The following SAMD12 variants were observed in gnomAD, a reference collection of about 807,000 sequenced individuals.
SAMD12 encodes the protein sterile alpha motif domain containing 12, also known as sterile alpha motif domain-containing protein 12.
Under a neutral mutation model 15.0 loss-of-function variants are expected in SAMD12, and 9 were observed. That is an observed-to-expected ratio of 0.60 (90% CI 0.36 to 1.05). The LOEUF is 1.05. Ranked by LOEUF, SAMD12 falls within the 50% of genes least tolerant of loss-of-function variation. The pLI is 0.01. For missense variants in SAMD12, 230 were observed against 234.2 expected (o/e 0.98, Z 0.12); for synonymous variants, 86 against 90.1 (o/e 0.96, Z 0.25).
intron 4 of SAMD12, among the ~76,000 whole-genome samples, chr8:118,358,015 C>T (rs1194174618): frequency 6.6e-6 from 1 of 152,122 alleles, no homozygotes; most frequent in Non-Finnish European, 1.5e-5. Context: ...TGTGGTGGTG[C>T]ACACCTCTAG....
intron 3 of SAMD12, among the ~76,000 whole-genome samples, chr8:118,386,357 T>C (rs1336048779): frequency 1.3e-5 from 2 of 152,164 alleles, no homozygotes; most frequent in Non-Finnish European, 2.9e-5. Flanking sequence ...CCTTCTCCTC[T>C]TGCGCGTGTA....
the SAMD12 span, among the ~76,000 whole-genome samples, chr8:118,171,424 A>C: frequency 1.6e-4 from 25 of 152,344 alleles, no homozygotes; most frequent in African/African-American, 5.3e-4. Context: ...ATAGAAGTAG[A>C]AACAACCCAA....
At chr8:118,352,969 C>T (rs1049533146) in intron 4 of SAMD12, among the ~76,000 whole-genome samples, 11 of 151,940 alleles carry the variant, frequency 7.2e-5, no homozygotes, top group Non-Finnish European at 1.5e-4. Flanking sequence ...AATTATGTTG[C>T]TTTAGAAAAT....
chr8:118,569,537 C>T (rs1826947540), intron 2 of SAMD12, among the ~76,000 whole-genome samples: 1 of 152,138 alleles, frequency 6.6e-6, no homozygotes, highest in Non-Finnish European at 1.5e-5. Flanking sequence ...TAGGTTGAAG[C>T]CCTAACCCCC....
chr8:118,205,093 G>A (rs1430943789), intron 4 of SAMD12, among the ~76,000 whole-genome samples: 2 of 152,146 alleles, frequency 1.3e-5, no homozygotes, highest in Non-Finnish European at 2.9e-5. Context: ...TCCATCGAAG[G>A]CCTAAAGAGA....
chr8:118,239,526 C>T (rs1367495958), intron 4 of SAMD12, among the ~76,000 whole-genome samples: 1 of 152,236 alleles, frequency 6.6e-6, no homozygotes, highest in East Asian at 1.9e-4. Context: ...GTTACACAAC[C>T]TTAATGGGCA....
At chr8:118,352,141 C>A (rs535794991) in intron 4 of SAMD12, among the ~76,000 whole-genome samples, 7 of 152,294 alleles carry the variant, frequency 4.6e-5, no homozygotes, top group African/African-American at 1.7e-4. Context: ...TTATTAATGT[C>A]TGCTACAAGC....
intron 3 of SAMD12, among the ~76,000 whole-genome samples, chr8:118,435,741 G>T (rs913251395): frequency 2.0e-5 from 3 of 152,234 alleles, no homozygotes; most frequent in Non-Finnish European, 4.4e-5. Context: ...ACACTACTGA[G>T]GTTAAAGCGT....
chr8:118,334,451 TCTTCCC>T (rs1023934468), intron 4 of SAMD12, among the ~76,000 whole-genome samples: 7 of 152,136 alleles, frequency 4.6e-5, no homozygotes, highest in Non-Finnish European at 8.8e-5. Flanking sequence ...CACAATTTCT[TCTTCCC>T]CTTCCCCTTC....
intron 2 of SAMD12, among the ~76,000 whole-genome samples, chr8:118,530,121 G>C (rs535368825): frequency 8.0e-4 from 122 of 152,276 alleles, no homozygotes; most frequent in African/African-American, 2.8e-3. Flanking sequence ...TTTCTCTGAT[G>C]ATCAGTGGTG....
At chr8:118,219,981 T>A (rs958529924) in intron 4 of SAMD12, among the ~76,000 whole-genome samples, 1 of 152,234 alleles carries the variant, frequency 6.6e-6, no homozygotes, top group African/African-American at 2.4e-5. Flanking sequence ...ACAGAATTTA[T>A]CCCTGAGTTT....
In SAMD12 at chr8:118,535,313, C is replaced by T. The variant is rs182279515; in HGVS notation, c.192+45402G>A. Among the ~76,000 whole-genome samples the T allele has an allele frequency of 8.2e-4, 125 of 152,308 alleles. No individual in the cohort carries two copies. In the Middle Eastern group the frequency reaches 0.017, roughly 21 times the overall value. ...TGCCTGATCGTTCCTCTGGAAGCTT[C>T]GTCTCAAAGGGGCACCTGGCTGTAT... On this transcript the variant is annotated intron_variant, in intron 2 of 3. Transcript: ENST00000314727.
intron 2 of SAMD12, among the ~76,000 whole-genome samples, chr8:118,557,662 A>G (rs926620134): frequency 2.0e-5 from 3 of 152,208 alleles, no homozygotes; most frequent in African/African-American, 4.8e-5. Context: ...TTTCATTCAA[A>G]TTTGTCAAAT....
chr8:118,476,547 C>A (rs1028114976), intron 2 of SAMD12, among the ~76,000 whole-genome samples: 1 of 152,106 alleles, frequency 6.6e-6, no homozygotes, highest in Non-Finnish European at 1.5e-5. Flanking sequence ...TTCCAAAGCT[C>A]CCAGATTCCA....
At chr8:118,291,332 A>C (rs771686228) in intron 4 of SAMD12, 1 of 152,212 alleles carries the variant, frequency 6.6e-6, no homozygotes, top group African/African-American at 2.4e-5. Context: ...ATGAAAAAGC[A>C]GAGGCATTCC....
intron 4 of SAMD12, among the ~76,000 whole-genome samples, chr8:118,298,249 T>G (rs1814828032): frequency 1.3e-5 from 2 of 152,238 alleles, no homozygotes; most frequent in African/African-American, 4.8e-5. Context: ...AAAATGCACT[T>G]CTTATAAACA....
At chr8:118,581,191 TG>T (rs764840063) in intron 1 of SAMD12, among the ~76,000 whole-genome samples, 1 of 152,202 alleles carries the variant, frequency 6.6e-6, no homozygotes, top group Non-Finnish European at 1.5e-5. Flanking sequence ...CAGGCAACGT[TG>T]TTACTGCTTC....
chr8:118,594,924 T>G (rs182368455), intron 1 of SAMD12, among the ~76,000 whole-genome samples: 1 of 152,198 alleles, frequency 6.6e-6, no homozygotes, highest in Non-Finnish European at 1.5e-5. Flanking sequence ...CCTAAAGTGT[T>G]TATCTGCACT....
chr8:118,241,760 G>A (rs1023131117), intron 4 of SAMD12, among the ~76,000 whole-genome samples: 7 of 152,076 alleles, frequency 4.6e-5, no homozygotes, highest in African/African-American at 1.7e-4. Flanking sequence ...AAATGGTATG[G>A]TATCAACAAA....
Sources: allele counts gnomAD v4.1 joint callset (sites outside exome capture counted in the v4.1 genomes callset), GRCh38; gene constraint gnomAD v4.1.1; transcripts MANE v1.5; gene names NCBI Gene and HGNC (gene_info 2026-07-23, HGNC 2026-07-21).